PARD3: variants seen among roughly 807,000 people sequenced by gnomAD.
PARD3 encodes the protein par-3 family cell polarity regulator, also known as partitioning defective 3 homolog.
A neutral mutation model predicts 155.4 loss-of-function variants in PARD3; 75 were observed. The observed-to-expected ratio is 0.48, with a 90% CI of 0.40 to 0.58. PARD3 has a LOEUF of 0.58. Among genes scored for constraint, PARD3 ranks in the 20% least tolerant of loss-of-function variants. PARD3 has a pLI of 0.00. For missense variants in PARD3, 1,642 were observed against 1,721.7 expected, an observed-to-expected ratio of 0.95 and a Z score of 0.82; for synonymous variants, 576 against 610.5, an observed-to-expected ratio of 0.94 and a Z score of 0.83.
intron 5 of PARD3, among the ~76,000 whole-genome samples, chr10:34,411,905 C>A (rs1437922523): frequency 6.8e-6 from 1 of 146,046 alleles, no homozygotes; most frequent in Non-Finnish European, 1.5e-5. Flanking sequence ...TTAACAAAAT[C>A]TTTATAAGCT....
chr10:34,385,170 G>A (rs1305664720), intron 7 of PARD3, among the ~76,000 whole-genome samples: 5 of 152,048 alleles, frequency 3.3e-5, no homozygotes, highest in Non-Finnish European at 7.4e-5. Context: ...TTTCGTTCTT[G>A]TCGTCCAGGC....
chr10:34,592,243 G>A (rs943392314), intron 2 of PARD3, among the ~76,000 whole-genome samples: 2 of 152,184 alleles, frequency 1.3e-5, no homozygotes. Context: ...GAACTTGCCT[G>A]TAACACATAC....
At chr10:34,157,183 G>T (rs1037526601) in intron 22 of PARD3, among the ~76,000 whole-genome samples, 3 of 152,226 alleles carry the variant, frequency 2.0e-5, no homozygotes, top group African/African-American at 7.2e-5. Flanking sequence ...TGATGCGGGG[G>T]CAGAAGATCC....
intron 22 of PARD3, among the ~76,000 whole-genome samples, chr10:34,205,172 C>A (rs1564480514): frequency 6.6e-6 from 1 of 152,108 alleles, no homozygotes; most frequent in African/African-American, 2.4e-5. Flanking sequence ...GAAAAAAAAT[C>A]TTTGATTTTG....
intron 2 of PARD3, among the ~76,000 whole-genome samples, chr10:34,665,111 C>G (rs566423276): frequency 5.5e-4 from 84 of 152,172 alleles, no homozygotes; most frequent in Non-Finnish European, 1.1e-3. Flanking sequence ...TAAAAAAAAT[C>G]TGCCTAACTT....
chr10:34,707,291 C>A (rs904603913), intron 1 of PARD3, among the ~76,000 whole-genome samples: 1 of 151,540 alleles, frequency 6.6e-6, no homozygotes, highest in African/African-American at 2.4e-5. Flanking sequence ...CTGTTAAAAC[C>A]AAGTCTGAAA....
chr10:34,768,948 T>C (rs2134075401), intron 1 of PARD3, among the ~76,000 whole-genome samples: 1 of 152,308 alleles, frequency 6.6e-6, no homozygotes, highest in East Asian at 1.9e-4. Flanking sequence ...TGCCCAAACT[T>C]TACCGCTCAG....
chr10:34,333,758 C>A (rs1217138474), intron 18 of PARD3, among the ~76,000 whole-genome samples: 19 of 151,944 alleles, frequency 1.3e-4, no homozygotes, highest in Non-Finnish European at 1.5e-5. Context: ...CAACAGAGAT[C>A]TAAAATATTT....
intron 22 of PARD3, among the ~76,000 whole-genome samples, chr10:34,156,347 T>C (rs1949004105): frequency 1.3e-5 from 2 of 152,134 alleles, no homozygotes; most frequent in South Asian, 2.1e-4. Context: ...TCCTGCTTCC[T>C]TGGCCTCCCA....
intron 22 of PARD3, among the ~76,000 whole-genome samples, chr10:34,150,922 C>T (rs971982748): frequency 1.3e-5 from 2 of 152,188 alleles, no homozygotes; most frequent in African/African-American, 2.4e-5. Flanking sequence ...TACCTGCTGT[C>T]ACATACATGT....
chr10:34,158,731 A>G (rs1463718832), intron 22 of PARD3, among the ~76,000 whole-genome samples: 1 of 152,246 alleles, frequency 6.6e-6, no homozygotes, highest in Admixed American at 6.5e-5. Flanking sequence ...TGTGGTTACC[A>G]CTAGCTACAA....
chr10:34,732,173 G>GA (rs1225225342), intron 1 of PARD3, among the ~76,000 whole-genome samples: 2 of 150,578 alleles, frequency 1.3e-5, no homozygotes, highest in Admixed American at 6.6e-5. Context: ...TGAAAGGTAA[G>GA]AAAAAAAAAG....
At chr10:34,733,948 GTT>G (rs11448579) in intron 1 of PARD3, among the ~76,000 whole-genome samples, 27 of 144,872 alleles carry the variant, frequency 1.9e-4, no homozygotes, top group African/African-American at 5.3e-4. Flanking sequence ...AATCAAAGCT[GTT>G]TTTTTTTTTT....
intron 2 of PARD3, among the ~76,000 whole-genome samples, chr10:34,569,910 AC>A (rs1473975289): frequency 2.0e-5 from 3 of 151,582 alleles, no homozygotes; most frequent in Non-Finnish European, 4.4e-5. Context: ...AAAAAAAAAA[AC>A]AGATTACATT....
chr10:34,312,372 G>C (rs1957747099), intron 20 of PARD3: 1 of 1,612,524 alleles, frequency 6.2e-7, no homozygotes, highest in Admixed American at 1.7e-5. Flanking sequence ...TCGGGCTTCA[G>C]TTTGGCAAGG....
At chr10:34,468,151 G>C (rs926025788) in intron 4 of PARD3, among the ~76,000 whole-genome samples, 26 of 152,150 alleles carry the variant, frequency 1.7e-4, no homozygotes, top group Non-Finnish European at 3.2e-4. Context: ...CACCACGAAA[G>C]CAGAGAGGGT....
At chr10:34,413,983 A>C (rs188552199) in intron 5 of PARD3, among the ~76,000 whole-genome samples, 14 of 152,312 alleles carry the variant, frequency 9.2e-5, no homozygotes, top group Admixed American at 9.2e-4. Context: ...AGTAAAAGAA[A>C]TCCCATCTAG....
At chr10:34,780,927 T>C (rs1840162793) in intron 1 of PARD3, among the ~76,000 whole-genome samples, 2 of 152,200 alleles carry the variant, frequency 1.3e-5, no homozygotes, top group South Asian at 4.1e-4. Flanking sequence ...AACCTCAAGA[T>C]ATGACTTCAC....
chr10:34,237,911 T>C (rs1312888455), intron 22 of PARD3, among the ~76,000 whole-genome samples: 1 of 152,116 alleles, frequency 6.6e-6, no homozygotes, highest in Admixed American at 6.6e-5. Context: ...GTCCATGAAT[T>C]TAGTTTATGA....
Sources: allele counts gnomAD v4.1 joint callset (sites outside exome capture counted in the v4.1 genomes callset), GRCh38; gene constraint gnomAD v4.1.1; transcripts MANE v1.5; gene names NCBI Gene and HGNC (gene_info 2026-07-23, HGNC 2026-07-21).